GPD2: variants seen among roughly 807,000 people sequenced by gnomAD.
The protein encoded by GPD2 is glycerol-3-phosphate dehydrogenase, mitochondrial.
A neutral mutation model predicts 82.4 loss-of-function variants in GPD2; 54 were observed. That is an observed-to-expected ratio of 0.66 (90% CI 0.53 to 0.82). The LOEUF is 0.82. Among genes scored for constraint, GPD2 ranks in the 40% least tolerant of loss-of-function variants. The probability of loss-of-function intolerance (pLI) is 0.00; values close to 1 mark genes in which losing one functional copy is unlikely to be tolerated. For missense variants in GPD2, 748 were observed against 896.2 expected, an observed-to-expected ratio of 0.83 and a Z score of 2.11; for synonymous variants, 288 against 306.1, an observed-to-expected ratio of 0.94 and a Z score of 0.62.
At chr2:156,466,800 G>C (rs1423939668) in intron 1 of GPD2, among the ~76,000 whole-genome samples, 2 of 152,152 alleles carry the variant, frequency 1.3e-5, no homozygotes, top group Non-Finnish European at 2.9e-5. Context: ...ACTTAAAATA[G>C]TTATTGACCT....
intron 1 of GPD2, among the ~76,000 whole-genome samples, chr2:156,470,877 T>TA (rs1383122157): frequency 6.6e-6 from 1 of 152,256 alleles, no homozygotes; most frequent in African/African-American, 2.4e-5. Flanking sequence ...TTTTGTTTGC[T>TA]AGCAGTAAGT....
At chr2:156,581,437 G>T (rs1330076077) in intron 16 of GPD2, among the ~76,000 whole-genome samples, 2 of 152,076 alleles carry the variant, frequency 1.3e-5, no homozygotes, top group Non-Finnish European at 2.9e-5. Flanking sequence ...AGTTGTGTTA[G>T]CTCTGATAAA....
At chr2:156,561,008 A>G (rs1687146133) in intron 9 of GPD2, among the ~76,000 whole-genome samples, 1 of 122,450 alleles carries the variant, frequency 8.2e-6, no homozygotes. Context: ...CCCACTTTCT[A>G]GTTGAAGAAA....
intron 2 of GPD2, among the ~76,000 whole-genome samples, chr2:156,483,114 C>CA (rs1235479779): frequency 3.5e-5 from 5 of 141,552 alleles, no homozygotes; most frequent in African/African-American, 1.3e-4. Context: ...GGACAAGAAG[C>CA]AAAAAACAAA....
chr2:156,524,145 C>G (rs978291654), intron 6 of GPD2, among the ~76,000 whole-genome samples: 8 of 152,098 alleles, frequency 5.3e-5, no homozygotes, highest in African/African-American at 1.7e-4. Context: ...TCTTCCCACC[C>G]ACCCCCACCT....
chr2:156,476,064 T>G (rs1323540211), intron 1 of GPD2, 34 bp from the exon 2 acceptor site: 12 of 1,088,088 alleles, frequency 1.1e-5, no homozygotes, highest in Non-Finnish European at 1.6e-5. Context: ...ACTATCCCAA[T>G]TAACTTCTTT....
At chr2:156,520,045 G>T (rs1246148930) in intron 6 of GPD2, among the ~76,000 whole-genome samples, 1 of 152,186 alleles carries the variant, frequency 6.6e-6, no homozygotes, top group Non-Finnish European at 1.5e-5. Context: ...GGTGGAGGTG[G>T]CCCTCAGTGG....
intron 6 of GPD2, among the ~76,000 whole-genome samples, chr2:156,532,048 G>T (rs1685882011): frequency 2.0e-5 from 3 of 151,916 alleles, no homozygotes; most frequent in African/African-American, 7.3e-5. Flanking sequence ...CAGTTGTTAG[G>T]CTGGAGTACA....
chr2:156,440,387 A>C (rs1682126605), intron 1 of GPD2, among the ~76,000 whole-genome samples: 1 of 152,214 alleles, frequency 6.6e-6, no homozygotes, highest in African/African-American at 2.4e-5. Flanking sequence ...AAAAGAAAGG[A>C]AGAGATGTTG....
Position 156,512,279 on chromosome 2 carries a change from T to A in GPD2, c.459T>A (p.His153Gln). The change falls in exon 5 of 17, where the codon CAT (histidine) becomes CAA (glutamine). Residue 153 changes from histidine (H) to glutamine (Q), a missense_variant. Transcript: ENST00000438166. ...CCAACCTGCTAGAAATTGCTCCCCA[T>A]TTATCAGCTCCATTGCCTATAATGC... ...ERANLLEIAPHLSAPLPIMLP... is the reference protein window; with the variant it reads ...ERANLLEIAPQLSAPLPIMLP... The A allele has an allele frequency of 1.2e-6, 2 of 1,601,862 alleles. No individual in the cohort carries two copies. The highest frequency in any genetic ancestry group is 1.7e-6 in the Non-Finnish European group (2 of 1,168,814).
At position 156,510,910 on chromosome 2, in the gene GPD2, A is replaced by G. The variant is rs748980284; in HGVS notation, c.389A>G (p.Asp130Gly). The G allele has an allele frequency of 6.2e-7, 1 of 1,613,664 alleles. No individual in the cohort carries two copies. The change falls in exon 4 of 17, where the codon GAT becomes GGT. Residue 130 changes from aspartate (D) to glycine (G), a missense_variant. Around this residue, in one of 3 missense-constraint regions of GPD2, gnomAD observed 692 missense variants for 809.7 expected, o/e 0.85. Transcript: ENST00000438166. ...RYLQKAIMKL[D>G]IEQYRMVKEA... ...CTGCAGAAGGCCATCATGAAGTTGG[A>G]TATTGAGCAGGTAATTGTGTATGCT...
intron 1 of GPD2, among the ~76,000 whole-genome samples, chr2:156,452,009 AGAT>A (rs2105158596): frequency 6.6e-6 from 1 of 150,928 alleles, no homozygotes; most frequent in South Asian, 2.1e-4. Flanking sequence ...GGCCGGGCAG[AGAT>A]GCTTCTCTCT....
rs763559448 is a variant in GPD2, at chr2:156,570,075, T to G, written c.1477-12T>G. 6.2e-7 allele frequency: 1 copy of G among 1,610,596 alleles called. No individual in the cohort carries two copies. Among genetic ancestry groups the G allele is most frequent in the Non-Finnish European group, 8.5e-7 (1 of 1,178,716 alleles). ...TTCAAAGTGCCTGCCTAACGCAGCT[T>G]TATTTCTCTAGGTGGCACAGCATCT... On this transcript the variant is annotated splice_polypyrimidine_tract_variant and intron_variant, in intron 11 of 16. Transcript: ENST00000438166.
the GPD2 span, among the ~76,000 whole-genome samples, chr2:156,425,194 G>A: frequency 6.6e-6 from 1 of 151,882 alleles, no homozygotes; most frequent in Non-Finnish European, 1.5e-5. Context: ...ACACTCCTGG[G>A]CTCAAGTGAT....
chr2:156,567,947 C>T lies in GPD2; in HGVS notation c.1166-878C>T, dbSNP rs114154527. Among the ~76,000 whole-genome samples, 661 of 152,182 alleles carry T rather than the reference C, an allele frequency of 4.3e-3. 3 individuals are homozygous for T. The highest frequency in any genetic ancestry group is 0.015 in the African/African-American group (636 of 41,532). On this transcript the variant is annotated intron_variant, in intron 9 of 16. Transcript: ENST00000438166. Reference sequence around the variant, plus strand: ...GGCATCTTGAGTATTGAAAGAACTTCCATATAATATAATTCAAGTATAATG... The same window carrying T: ...GGCATCTTGAGTATTGAAAGAACTTTCATATAATATAATTCAAGTATAATG...
At chr2:156,478,111 T>C (rs1184082443) in intron 2 of GPD2, among the ~76,000 whole-genome samples, 1 of 152,178 alleles carries the variant, frequency 6.6e-6, no homozygotes, top group East Asian at 1.9e-4. Context: ...TGGTTTGATT[T>C]CTCTCTAATA....
chr2:156,582,248 G>T (rs1432342934), intron 16 of GPD2, among the ~76,000 whole-genome samples: 5 of 151,886 alleles, frequency 3.3e-5, no homozygotes, highest in East Asian at 1.9e-4. Flanking sequence ...TAAAATCTGG[G>T]CTGTAGAGTG....
chr2:156,548,122 G>A (rs1686619078), intron 6 of GPD2, among the ~76,000 whole-genome samples: 1 of 152,174 alleles, frequency 6.6e-6, no homozygotes. Context: ...TTAAGGAGAA[G>A]ATCTATAATG....
intron 1 of GPD2, among the ~76,000 whole-genome samples, chr2:156,442,010 G>A (rs545309240): frequency 2.6e-5 from 4 of 152,258 alleles, no homozygotes; most frequent in African/African-American, 7.2e-5. Flanking sequence ...GTGAGATACT[G>A]TCAAAGTCTG....
Sources: allele counts gnomAD v4.1 joint callset (sites outside exome capture counted in the v4.1 genomes callset), GRCh38; gene constraint gnomAD v4.1.1; regional missense constraint gnomAD v4.1.1; transcripts MANE v1.5; gene names NCBI Gene and HGNC (gene_info 2026-07-23, HGNC 2026-07-21).